Variants in PTDSS1 observed in about 807,000 individuals in gnomAD.
PTDSS1 encodes phosphatidylserine synthase 1.
Under a neutral mutation model 70.5 loss-of-function variants are expected in PTDSS1, and 45 were observed. The ratio of observed to expected loss-of-function variants is 0.64; its 90% CI spans 0.50 to 0.82. The LOEUF (loss-of-function observed/expected upper bound fraction) is 0.82, where lower values mean the gene tolerates loss of function less well. PTDSS1 is among the 40% of genes least tolerant of loss of function. The probability of loss-of-function intolerance (pLI) is 0.00; values close to 1 mark genes in which losing one functional copy is unlikely to be tolerated. For synonymous variants in PTDSS1, 188 were observed against 203.8 expected, an observed-to-expected ratio of 0.92 and a Z score of 0.66; for missense variants, 417 against 586.1, an observed-to-expected ratio of 0.71 and a Z score of 2.98.
intron 3 of PTDSS1, among the ~76,000 whole-genome samples, 160 bp downstream of exon 3, chr8:96,284,313 G>A (rs1272448352): frequency 2.0e-5 from 3 of 151,988 alleles, no homozygotes; most frequent in Non-Finnish European, 4.4e-5. Context: ...AAAATTATTT[G>A]ACACAAAATA....
In PTDSS1 at chr8:96,335,166, A is replaced by G. The variant is rs933970493; in HGVS notation, c.*1600A>G. Reference sequence around the variant, plus strand: ...CCGAGCTCTCAAATGTCCTCCAGCCAGCATCTGCCTGCTTCCCACAAAAGG... The same window carrying G: ...CCGAGCTCTCAAATGTCCTCCAGCCGGCATCTGCCTGCTTCCCACAAAAGG... On this transcript the variant is annotated 3_prime_UTR_variant, in exon 13 of 13. Coordinates refer to ENST00000517309, the MANE Select transcript of PTDSS1 (RefSeq NM_014754.3). 2 of 152,250 alleles carry G rather than the reference A, an allele frequency of 1.3e-5. No homozygotes were observed. The highest frequency in any genetic ancestry group is 4.8e-5 in the African/African-American group (2 of 41,464). The allele number at this position is 152,250 out of a possible 1,614,324, so 9.4% of individuals were successfully genotyped here.
intron 7 of PTDSS1, among the ~76,000 whole-genome samples, 154 bp downstream of exon 7, chr8:96,304,335 A>G (rs967332052): frequency 7.9e-5 from 12 of 152,374 alleles, no homozygotes; most frequent in Middle Eastern, 3.4e-3. Context: ...TAATTAAGCA[A>G]AGTGATGTTG....
Position 96,333,486 on chromosome 8 carries a change from G to A in PTDSS1, c.1342G>A (p.Gly448Ser). The change falls in exon 13 of 13, where the codon GGC becomes AGC. Residue 448 changes from glycine to serine, a missense_variant. Coordinates refer to ENST00000517309, the MANE Select transcript of PTDSS1 (RefSeq NM_014754.3). Reference protein sequence around the residue: ...GSEDSPPKHAGNNESHSSRRR... With the variant: ...GSEDSPPKHASNNESHSSRRR... ...TGAAGACAGCCCACCCAAGCATGCAGGCAACAACGAAAGCCATTCTTCCAG... is the reference window on the plus strand; with the variant it reads ...TGAAGACAGCCCACCCAAGCATGCAAGCAACAACGAAAGCCATTCTTCCAG... 1 of 1,614,024 alleles carries A rather than the reference G, an allele frequency of 6.2e-7. No homozygotes were observed. Among genetic ancestry groups the A allele is most frequent in the Non-Finnish European group, 8.5e-7 (1 of 1,179,946 alleles).
At chr8:96,287,240 T>G in intron 4 of PTDSS1, 94 bp downstream of exon 4, 1 of 1,489,766 alleles carries the variant, frequency 6.7e-7, no homozygotes, top group Non-Finnish European at 9.1e-7. Flanking sequence ...GTTCCTTCTC[T>G]GTATTTCCTG....
intron 10 of PTDSS1, among the ~76,000 whole-genome samples, chr8:96,323,612 G>T (rs1021781790): frequency 5.9e-5 from 9 of 152,186 alleles, no homozygotes; most frequent in Non-Finnish European, 1.3e-4. Context: ...GCCCTGGTCA[G>T]TGAGCCCGTG....
At position 96,334,989 on chromosome 8, in the gene PTDSS1, A is replaced by G. The variant is rs924662931; in HGVS notation, c.*1423A>G. 1 of 152,090 alleles carries G rather than the reference A, an allele frequency of 6.6e-6. No individual in the cohort carries two copies. Among genetic ancestry groups the G allele is most frequent in the African/African-American group, 2.4e-5 (1 of 41,392 alleles). The allele number at this position is 152,090 out of a possible 1,614,324, so 9.4% of individuals were successfully genotyped here. A position where few individuals can be genotyped will look rare whatever the true frequency, so the allele number is the denominator to read the frequency against. The stretch of plus-strand genomic sequence containing the variant: ...TTTTTTTCTGCAAAAGAATTCCAAG[A>G]TGAACGGGTTGAATGAATCATGCCA... On this transcript the variant is annotated 3_prime_UTR_variant, in exon 13 of 13. Transcript: ENST00000517309.
At chr8:96,320,122 C>T (rs1811353889) in intron 9 of PTDSS1, 124 bp from the exon 10 acceptor site, 1 of 777,490 alleles carries the variant, frequency 1.3e-6, no homozygotes, top group Non-Finnish European at 2.2e-6. Flanking sequence ...GTACCTGCTA[C>T]CAGTGTTTGA....
chr8:96,280,710 T>C (rs774099366), intron 2 of PTDSS1, among the ~76,000 whole-genome samples: 5 of 152,178 alleles, frequency 3.3e-5, no homozygotes, highest in Non-Finnish European at 7.3e-5. Context: ...TCTTCCCCAA[T>C]TCTCCAACAT....
intron 4 of PTDSS1, among the ~76,000 whole-genome samples, chr8:96,289,505 C>T (rs555953954): frequency 2.6e-5 from 4 of 152,202 alleles, no homozygotes; most frequent in African/African-American, 4.8e-5. Context: ...CAAGGGTTTC[C>T]GGAGCTCTGG....
At chr8:96,306,178 G>A (rs954916789) in intron 7 of PTDSS1, among the ~76,000 whole-genome samples, 2 of 152,154 alleles carry the variant, frequency 1.3e-5, no homozygotes, top group African/African-American at 4.8e-5. Flanking sequence ...TACAAACCAG[G>A]AAACATGACA....
intron 4 of PTDSS1, among the ~76,000 whole-genome samples, chr8:96,291,356 T>C (rs1006388796): frequency 6.6e-6 from 1 of 152,208 alleles, no homozygotes; most frequent in African/African-American, 2.4e-5. Context: ...GTCAGTATTA[T>C]TGACACAGGC....
intron 1 of PTDSS1, among the ~76,000 whole-genome samples, chr8:96,265,745 G>T (rs114656660): frequency 6.6e-6 from 1 of 152,282 alleles, no homozygotes; most frequent in South Asian, 2.1e-4. Context: ...CTACTCACTC[G>T]ACAGAATGAG....
At chr8:96,325,629 C>T (rs1330443151) in intron 10 of PTDSS1, among the ~76,000 whole-genome samples, 2 of 152,166 alleles carry the variant, frequency 1.3e-5, no homozygotes, top group African/African-American at 4.8e-5. Context: ...GCTGTCAGGA[C>T]ACCCATTTTC....
chr8:96,334,039 G>A lies in PTDSS1; in HGVS notation c.*473G>A. On this transcript the variant is annotated 3_prime_UTR_variant, in exon 13 of 13. Transcript: ENST00000517309. ...AGGCCACTTTTCTGTCTTTTATTTG[G>A]TTACTGTTGTTATTTGTTTTTAAGT... 2.3e-6 allele frequency: 1 copy of A among 425,660 alleles called. No individual in the cohort carries two copies. The highest frequency in any genetic ancestry group is 4.1e-6 in the Non-Finnish European group (1 of 241,014). 26.4% of individuals were successfully genotyped at this position (425,660 alleles called of 1,614,324 possible).
At chr8:96,328,338 A>G (rs1238990889) in intron 10 of PTDSS1, among the ~76,000 whole-genome samples, 1 of 152,176 alleles carries the variant, frequency 6.6e-6, no homozygotes, top group Non-Finnish European at 1.5e-5. Context: ...TACACTCTGC[A>G]AATCATTTCT....
intron 4 of PTDSS1, among the ~76,000 whole-genome samples, chr8:96,293,567 G>A (rs951612873): frequency 2.0e-5 from 3 of 152,242 alleles, no homozygotes; most frequent in Admixed American, 2.0e-4. Flanking sequence ...ATGCCCTGTG[G>A]CCCTTCCAGG....
At chr8:96,291,648 ATT>A (rs1199269349) in intron 4 of PTDSS1, among the ~76,000 whole-genome samples, 3 of 152,156 alleles carry the variant, frequency 2.0e-5, no homozygotes, top group African/African-American at 7.2e-5. Context: ...TGTCCTGAAA[ATT>A]TATTTGTCAA....
In PTDSS1 at chr8:96,322,598, A is replaced by G. The variant is rs533168703; in HGVS notation, c.1173+2253A>G. Among the ~76,000 whole-genome samples the G allele has an allele frequency of 2.6e-5, 4 of 152,248 alleles. No individual in the cohort carries two copies. The South Asian group carries it at 8.3e-4, about 32-fold the overall frequency. On this transcript the variant is annotated intron_variant, in intron 10 of 12. Transcript: ENST00000517309. Reference sequence around the variant, plus strand: ...CATGTCTTAAAGGCCCCACCTCCCAATATCATTACATTGACAGCTAAGTAT... The same window carrying G: ...CATGTCTTAAAGGCCCCACCTCCCAGTATCATTACATTGACAGCTAAGTAT...
At chr8:96,309,763 A>G (rs989888471) in intron 9 of PTDSS1, 141 bp downstream of exon 9, 8 of 597,896 alleles carry the variant, frequency 1.3e-5, no homozygotes, top group Non-Finnish European at 2.4e-5. Flanking sequence ...ATCTATATCT[A>G]TATCTATATA....
Sources: allele counts gnomAD v4.1 joint callset (sites outside exome capture counted in the v4.1 genomes callset), GRCh38; gene constraint gnomAD v4.1.1; transcripts MANE v1.5; gene names NCBI Gene and HGNC (gene_info 2026-07-23, HGNC 2026-07-21).